RBFOX1: variants seen among roughly 807,000 people sequenced by gnomAD.
The protein encoded by RBFOX1 is RNA binding fox-1 homolog 1.
A neutral mutation model predicts 57.7 loss-of-function variants in RBFOX1; 8 were observed. The ratio of observed to expected loss-of-function variants is 0.14; its 90% CI spans 0.08 to 0.25. The LOEUF (loss-of-function observed/expected upper bound fraction) is 0.25, where lower values mean the gene tolerates loss of function less well. RBFOX1 is among the 10% of genes least tolerant of loss of function. The pLI is 1.00. For synonymous variants in RBFOX1, 326 were observed against 222.4 expected (o/e 1.47, Z -4.15); for missense variants, 611 against 548.5 (o/e 1.11, Z -1.14).
In RBFOX1 at chr16:6,270,460, CAAA is replaced by C. The variant is rs60224616; in HGVS notation, c.-126-46522_-126-46520del. 7.3e-4 allele frequency among the ~76,000 whole-genome samples: 84 copies of C among 114,592 alleles called. 1 individual carries two copies. Among genetic ancestry groups the C allele is most frequent in the South Asian group, 3.9e-3 (14 of 3,550 alleles). 75.2% of individuals were successfully genotyped at this position (114,592 alleles called of 152,430 possible). On this transcript the variant is annotated intron_variant, in intron 1 of 15. Transcript: ENST00000550418. ...TTATCAGATAAAGTAGATTTAAGAG[CAAA>C]AAAAAAAAAAAACAACTAGAAATAG...
At chr16:7,324,161 A>G (rs933743909) in intron 4 of RBFOX1, among the ~76,000 whole-genome samples, 5 of 152,158 alleles carry the variant, frequency 3.3e-5, no homozygotes, top group African/African-American at 1.2e-4. Flanking sequence ...CCTTTTTACA[A>G]TGAGCCATCT....
In RBFOX1 at chr16:7,294,437, G is replaced by C. The variant is rs1471056731; in HGVS notation, c.28-223710G>C. ...ACCTGGTGTGTCTCGGGTCTCTTTT[G>C]ACATATGTCAGTTGGCTGCTCTGAT... On this transcript the variant is annotated intron_variant, in intron 4 of 15. Transcript: ENST00000550418. 2.6e-5 allele frequency among the ~76,000 whole-genome samples: 4 copies of C among 151,400 alleles called. No homozygotes were observed. In the East Asian group the frequency reaches 5.9e-4, roughly 22 times the overall value.
At chr16:7,080,589 C>G (rs971623222) in intron 4 of RBFOX1, among the ~76,000 whole-genome samples, 2 of 152,158 alleles carry the variant, frequency 1.3e-5, no homozygotes, top group Admixed American at 6.5e-5. Context: ...GCAATTTGCT[C>G]TCTGGGTATC....
At chr16:7,596,758 C>T (rs1405526565) in intron 8 of RBFOX1, among the ~76,000 whole-genome samples, 1 of 152,134 alleles carries the variant, frequency 6.6e-6, no homozygotes, top group Non-Finnish European at 1.5e-5. Flanking sequence ...TTGTTAACCC[C>T]ATATTGTGTT....
intron 7 of RBFOX1, 63 bp downstream of exon 7, chr16:7,587,363 G>T (rs2094184971): frequency 2.1e-6 from 3 of 1,422,994 alleles, no homozygotes; most frequent in South Asian, 3.5e-5. Context: ...TATGAATAAG[G>T]GGAAACAACT....
chr16:6,706,811 G>A lies in RBFOX1; in HGVS notation c.-16+52161G>A, dbSNP rs1022470860. ...CTTAGGAATAACAGAAAATTGTCCT[G>A]TTTAGGGTATCTGTAATAATAGGTG... On this transcript the variant is annotated intron_variant, in intron 3 of 15. Transcript: ENST00000550418. 2.0e-5 allele frequency among the ~76,000 whole-genome samples: 3 copies of A among 150,960 alleles called. No homozygotes were observed. In the East Asian group the frequency reaches 5.8e-4, roughly 29 times the overall value.
At chr16:5,971,888 T>C (rs1304486767) in intron 4 of RBFOX1, among the ~76,000 whole-genome samples, 2 of 152,238 alleles carry the variant, frequency 1.3e-5, no homozygotes, top group Admixed American at 6.5e-5. Flanking sequence ...AGCAGATGGC[T>C]CCATGTAATG....
rs114909055 is a variant in RBFOX1, at chr16:6,599,090, A to G, written c.-63-55513A>G. ...GATGAATGCTTTTAGATTAAAATAA[A>G]TACCAGTCAGTATGTTCCAAATCAC... On this transcript the variant is annotated intron_variant, in intron 2 of 15. Transcript: ENST00000550418. Among the ~76,000 whole-genome samples the G allele has an allele frequency of 9.0e-4, 137 of 152,326 alleles. 1 individual carries two copies. The highest frequency in any genetic ancestry group is 3.2e-3 in the African/African-American group (131 of 41,574).
chr16:5,582,546 A>AC (rs1205074372), intron 2 of RBFOX1, among the ~76,000 whole-genome samples: 23 of 118,622 alleles, frequency 1.9e-4, no homozygotes, highest in Admixed American at 1.9e-3. Flanking sequence ...AAAGCACGTC[A>AC]CTTTTTTTTT....
chr16:7,308,647 C>T (rs191084665), intron 4 of RBFOX1, among the ~76,000 whole-genome samples: 1 of 152,176 alleles, frequency 6.6e-6, no homozygotes, highest in African/African-American at 2.4e-5. Flanking sequence ...AGCCATTGCT[C>T]ACTGTGGACA....
At chr16:5,285,715 C>A (rs2063377203) in intron 1 of RBFOX1, among the ~76,000 whole-genome samples, 1 of 152,138 alleles carries the variant, frequency 6.6e-6, no homozygotes, top group African/African-American at 2.4e-5. Context: ...ATTTCTTCAG[C>A]TGTAATTGGC....
At chr16:7,086,000 G>C (rs567498462) in intron 4 of RBFOX1, among the ~76,000 whole-genome samples, 4 of 152,234 alleles carry the variant, frequency 2.6e-5, no homozygotes, top group Admixed American at 6.5e-5. Context: ...TGTCAGTTGA[G>C]GGCTGTGTTG....
chr16:7,608,282 T>C (rs370530274), intron 10 of RBFOX1, among the ~76,000 whole-genome samples: 1 of 152,224 alleles, frequency 6.6e-6, no homozygotes, highest in East Asian at 1.9e-4. Flanking sequence ...TACTGAACAC[T>C]GACCCTTGTA....
intron 3 of RBFOX1, among the ~76,000 whole-genome samples, chr16:6,751,783 G>T (rs910483250): frequency 6.6e-6 from 1 of 152,148 alleles, no homozygotes; most frequent in African/African-American, 2.4e-5. Flanking sequence ...TATGAAGAAT[G>T]TGTGATTATC....
At chr16:5,321,574 C>T (rs1017644864) in intron 1 of RBFOX1, among the ~76,000 whole-genome samples, 5 of 152,082 alleles carry the variant, frequency 3.3e-5, no homozygotes, top group African/African-American at 7.2e-5. Flanking sequence ...CCCATGTTGG[C>T]GCAAAGTGCT....
At chr16:6,357,625 CTG>C (rs1555643362) in intron 2 of RBFOX1, among the ~76,000 whole-genome samples, 1 of 152,146 alleles carries the variant, frequency 6.6e-6, no homozygotes, top group African/African-American at 2.4e-5. Flanking sequence ...CTCTCTCTCT[CTG>C]TCTTGCTTCC....
intron 2 of RBFOX1, among the ~76,000 whole-genome samples, chr16:5,523,290 A>AG (rs1477651178): frequency 1.4e-4 from 22 of 152,040 alleles, no homozygotes; most frequent in Admixed American, 3.9e-4. Context: ...TGTTTCAAAA[A>AG]AAACAGGAGA....
At chr16:6,515,340 GT>G (rs569612360) in intron 2 of RBFOX1, among the ~76,000 whole-genome samples, 59 of 152,326 alleles carry the variant, frequency 3.9e-4, no homozygotes, top group African/African-American at 1.3e-3. Flanking sequence ...GCTTATGCCA[GT>G]CTTCTACTCA....
chr16:5,704,563 G>C (rs993060730), intron 3 of RBFOX1, among the ~76,000 whole-genome samples: 2 of 152,198 alleles, frequency 1.3e-5, no homozygotes, highest in African/African-American at 4.8e-5. Context: ...ATTCCTCGGA[G>C]ATAAATCATC....
Sources: gnomAD v4.1 joint callset for allele counts (sites outside exome capture counted in the v4.1 genomes callset) on GRCh38, gnomAD v4.1.1 for gene constraint, MANE v1.5 for transcripts, NCBI Gene and HGNC (gene_info 2026-07-23, HGNC 2026-07-21) for gene names.